The following SNTB1 variants were observed in gnomAD, a reference collection of about 807,000 sequenced individuals.
The protein encoded by SNTB1 is syntrophin beta 1, also known as beta-1-syntrophin.
In SNTB1, 36 loss-of-function variants were observed where a neutral mutation model predicts 48.9. That is an observed-to-expected ratio of 0.74 (90% CI 0.56 to 0.97). The LOEUF is 0.97. SNTB1 is among the 50% of genes least tolerant of loss of function. SNTB1 has a pLI of 0.00. For missense variants in SNTB1, 786 were observed against 703.4 expected (o/e 1.12, Z -1.33); for synonymous variants, 299 against 294.6 (o/e 1.01, Z -0.15).
intron 1 of SNTB1, among the ~76,000 whole-genome samples, chr8:120,728,096 G>C (rs996745888): frequency 1.3e-5 from 2 of 152,096 alleles, no homozygotes; most frequent in African/African-American, 4.8e-5. Flanking sequence ...CACGATCTTG[G>C]CTCACTGCAA....
At chr8:120,720,579 T>C (rs1818642570) in intron 1 of SNTB1, among the ~76,000 whole-genome samples, 1 of 152,240 alleles carries the variant, frequency 6.6e-6, no homozygotes, top group South Asian at 2.1e-4. Flanking sequence ...CAAAGACCTC[T>C]ATCCTATACT....
chr8:120,782,734 T>C (rs1469086311), intron 1 of SNTB1, among the ~76,000 whole-genome samples: 1 of 152,210 alleles, frequency 6.6e-6, no homozygotes, highest in Non-Finnish European at 1.5e-5. Context: ...CTCAAGTGGA[T>C]ACGTCACGTT....
chr8:120,728,394 TTG>T (rs1304816224), intron 1 of SNTB1, among the ~76,000 whole-genome samples: 2 of 152,212 alleles, frequency 1.3e-5, no homozygotes, highest in Non-Finnish European at 2.9e-5. Context: ...CCTGGGTATA[TTG>T]TGTGACGCTG....
At chr8:120,636,695 A>G (rs1817085154) in intron 2 of SNTB1, among the ~76,000 whole-genome samples, 1 of 151,630 alleles carries the variant, frequency 6.6e-6, no homozygotes, top group Non-Finnish European at 1.5e-5. Flanking sequence ...TAATGCCACA[A>G]TAAACATACG....
At chr8:120,735,272 C>T (rs1178216555) in intron 1 of SNTB1, among the ~76,000 whole-genome samples, 2 of 152,084 alleles carry the variant, frequency 1.3e-5, no homozygotes, top group East Asian at 1.9e-4. Context: ...ATAAGGGGAC[C>T]TGGAGCCCTG....
intron 1 of SNTB1, among the ~76,000 whole-genome samples, chr8:120,717,471 T>G (rs1312535984): frequency 6.6e-6 from 1 of 152,224 alleles, no homozygotes; most frequent in Non-Finnish European, 1.5e-5. Flanking sequence ...GCTCATCAGT[T>G]GTTGTTTTGT....
At chr8:120,698,656 T>A (rs371497894) in intron 1 of SNTB1, among the ~76,000 whole-genome samples, 16 of 152,132 alleles carry the variant, frequency 1.1e-4, no homozygotes, top group African/African-American at 3.4e-4. Flanking sequence ...TGGAAGAGAC[T>A]CCAAGTCATT....
intron 2 of SNTB1, among the ~76,000 whole-genome samples, chr8:120,661,349 C>T (rs557354379): frequency 3.9e-5 from 6 of 152,268 alleles, no homozygotes; most frequent in South Asian, 2.1e-4. Context: ...AAAGGAATTT[C>T]GAGGCCATTT....
chr8:120,727,460 T>A (rs768507996), intron 1 of SNTB1, among the ~76,000 whole-genome samples: 7 of 152,150 alleles, frequency 4.6e-5, no homozygotes, highest in Non-Finnish European at 1.0e-4. Context: ...CTAAAGATAA[T>A]AGCAAGAATA....
chr8:120,601,247 C>T (rs565278391), intron 3 of SNTB1, among the ~76,000 whole-genome samples: 1 of 150,420 alleles, frequency 6.6e-6, no homozygotes, highest in South Asian at 2.1e-4. Flanking sequence ...GAGTGGTCAG[C>T]ATAGGGGGAG....
At chr8:120,787,181 T>C (rs895314413) in intron 1 of SNTB1, among the ~76,000 whole-genome samples, 14 of 151,728 alleles carry the variant, frequency 9.2e-5, no homozygotes, top group African/African-American at 2.9e-4. Flanking sequence ...CTATAAACAT[T>C]AAAGTCACAT....
intron 1 of SNTB1, among the ~76,000 whole-genome samples, chr8:120,786,913 G>C (rs1819931865): frequency 6.6e-6 from 1 of 152,148 alleles, no homozygotes; most frequent in Non-Finnish European, 1.5e-5. Context: ...CCTGAAGCCT[G>C]AACTGTTCAA....
At chr8:120,558,184 T>C (rs1023791716) in intron 4 of SNTB1, among the ~76,000 whole-genome samples, 6 of 152,234 alleles carry the variant, frequency 3.9e-5, no homozygotes. Context: ...ACTCTGAAAT[T>C]GCTATTATTT....
intron 1 of SNTB1, among the ~76,000 whole-genome samples, chr8:120,709,947 C>T (rs1818436969): frequency 6.6e-6 from 1 of 152,104 alleles, no homozygotes; most frequent in Non-Finnish European, 1.5e-5. Context: ...ATAGTAGTTC[C>T]CTTTACCCTT....
At chr8:120,665,926 G>A (rs987598802) in intron 2 of SNTB1, among the ~76,000 whole-genome samples, 6 of 151,918 alleles carry the variant, frequency 3.9e-5, no homozygotes, top group Admixed American at 1.3e-4. Context: ...CAATCAATTC[G>A]TCTATCTTAT....
intron 2 of SNTB1, among the ~76,000 whole-genome samples, chr8:120,653,616 G>A (rs1817445250): frequency 6.6e-6 from 1 of 152,018 alleles, no homozygotes; most frequent in Non-Finnish European, 1.5e-5. Context: ...TATCTTCCTG[G>A]GTATAGCAGA....
At chr8:120,598,194 A>C (rs558809282) in intron 3 of SNTB1, among the ~76,000 whole-genome samples, 1 of 152,110 alleles carries the variant, frequency 6.6e-6, no homozygotes, top group South Asian at 2.1e-4. Context: ...AGTTCCCTCA[A>C]TCTGGCCTTA....
intron 3 of SNTB1, among the ~76,000 whole-genome samples, chr8:120,606,282 T>C (rs1816517024): frequency 1.4e-5 from 2 of 147,758 alleles, no homozygotes; most frequent in Non-Finnish European, 3.0e-5. Flanking sequence ...TATATAATTA[T>C]ATATAATAAT....
intron 3 of SNTB1, among the ~76,000 whole-genome samples, chr8:120,584,600 G>A (rs1256553718): frequency 6.6e-6 from 1 of 152,018 alleles, no homozygotes; most frequent in Non-Finnish European, 1.5e-5. Flanking sequence ...GGAGGAAAGG[G>A]CTGAGGGAGT....
Sources: gnomAD v4.1 joint callset for allele counts (sites outside exome capture counted in the v4.1 genomes callset) on GRCh38, gnomAD v4.1.1 for gene constraint, MANE v1.5 for transcripts, NCBI Gene and HGNC (gene_info 2026-07-23, HGNC 2026-07-21) for gene names.